Variants in CCDC93 observed in about 807,000 individuals in gnomAD.
CCDC93 encodes coiled-coil domain-containing protein 93.
In CCDC93, 61 loss-of-function variants were observed where a neutral mutation model predicts 108.2. The observed-to-expected ratio is 0.56, with a 90% CI of 0.46 to 0.70. The LOEUF (loss-of-function observed/expected upper bound fraction) is 0.70. Ranked by LOEUF, CCDC93 falls within the 30% of genes least tolerant of loss-of-function variation. CCDC93 has a pLI of 0.00. For synonymous variants in CCDC93, 276 were observed against 260.4 expected, an observed-to-expected ratio of 1.06 and a Z score of -0.58; for missense variants, 685 against 764.2, an observed-to-expected ratio of 0.90 and a Z score of 1.22.
At chr2:117,932,298 A>G (rs1294207212) in intron 22 of CCDC93, among the ~76,000 whole-genome samples, 1 of 152,218 alleles carries the variant, frequency 6.6e-6, no homozygotes, top group Non-Finnish European at 1.5e-5. Context: ...CTGATGCCTG[A>G]CCATGATTTC....
chr2:117,977,966 T>C, intron 8 of CCDC93, 28 bp downstream of exon 8: 1 of 1,605,044 alleles, frequency 6.2e-7, no homozygotes, highest in South Asian at 1.1e-5. Flanking sequence ...TCTCAAGTAT[T>C]CTCTCTTACT....
Position 118,008,934 on chromosome 2 carries a change from A to T in CCDC93, c.43-276T>A, listed in dbSNP as rs901458264. 2.3e-5 allele frequency: 7 copies of T among 302,178 alleles called. No individual in the cohort carries two copies. In the Admixed American group the frequency reaches 2.3e-4, roughly 10 times the overall value. The allele number at this position is 302,178 out of a possible 1,614,324, so 18.7% of individuals were successfully genotyped here. On this transcript the variant is annotated intron_variant, in intron 1 of 23. Transcript: ENST00000376300. ...GTATATACTACTCATCACATGCTGA[A>T]GGAATCCAGGGAAAAGGAAGGTTAG...
rs1573493003 is a variant in CCDC93 at position 117,963,323 on chromosome 2, C to T, written c.889-4842G>A. ...AAGCAACAGATTAAATCTAATCACTCTTTCAGATAACAGTTCAACTAAGTG... is the reference window on the plus strand; with the variant it reads ...AAGCAACAGATTAAATCTAATCACTTTTTCAGATAACAGTTCAACTAAGTG... On this transcript the variant is annotated intron_variant, in intron 11 of 23. Transcript: ENST00000376300. Among the ~76,000 whole-genome samples, 3 of 152,342 alleles carry T rather than the reference C, an allele frequency of 2.0e-5. No individual in the cohort carries two copies. In the South Asian group the frequency reaches 6.2e-4, roughly 32 times the overall value.
chr2:117,975,781 A>G (rs527821620), intron 8 of CCDC93, among the ~76,000 whole-genome samples: 1 of 152,324 alleles, frequency 6.6e-6, no homozygotes, highest in South Asian at 2.1e-4. Flanking sequence ...GTGTGTGTGT[A>G]CTGAATCATG....
At chr2:117,985,416 GA>G in intron 7 of CCDC93, 1 of 960,006 alleles carries the variant, frequency 1.0e-6, no homozygotes, top group Non-Finnish European at 1.2e-6. Flanking sequence ...CCTGAGAAGA[GA>G]ATGCGTGACA....
chr2:117,941,119 C>G (rs773936719), intron 19 of CCDC93, 70 bp downstream of exon 19: 6 of 1,098,944 alleles, frequency 5.5e-6, no homozygotes, highest in Non-Finnish European at 8.3e-6. Context: ...CTCCCCCATG[C>G]TAAAGTGGAA....
chr2:117,941,436 G>C, intron 18 of CCDC93, 139 bp from the exon 19 acceptor site: 1 of 639,836 alleles, frequency 1.6e-6, no homozygotes. Context: ...CCTGCCATGG[G>C]CTTAAAGGTC....
chr2:117,993,787 G>A (rs903505027), intron 6 of CCDC93, among the ~76,000 whole-genome samples: 1 of 152,354 alleles, frequency 6.6e-6, no homozygotes, highest in South Asian at 2.1e-4. Flanking sequence ...AGTCTGGAGT[G>A]CAATGGCACG....
At chr2:117,936,371 T>C in intron 21 of CCDC93, 1 of 213,082 alleles carries the variant, frequency 4.7e-6, no homozygotes, top group Non-Finnish European at 9.2e-6. Flanking sequence ...AATTCCATTA[T>C]GTAAATTTTA....
At chr2:117,941,156 C>T (rs1369462079) in intron 19 of CCDC93, 33 bp downstream of exon 19, 2 of 1,492,766 alleles carry the variant, frequency 1.3e-6, no homozygotes, top group African/African-American at 2.8e-5. Flanking sequence ...CCCTTCCCAG[C>T]CTCAAGAGCT....
chr2:117,944,734 C>T (rs1209700157), intron 17 of CCDC93: 2 of 471,036 alleles, frequency 4.2e-6, no homozygotes, highest in African/African-American at 4.0e-5. Flanking sequence ...CCAACGCACC[C>T]AAGGGGCTCA....
At chr2:117,968,564 T>A (rs568679561) in intron 11 of CCDC93, among the ~76,000 whole-genome samples, 2 of 152,342 alleles carry the variant, frequency 1.3e-5, no homozygotes, top group East Asian at 1.9e-4. Flanking sequence ...CATATTGAGT[T>A]ACATGTCTCA....
intron 4 of CCDC93, chr2:117,998,508 G>A (rs577481831): frequency 1.3e-4 from 20 of 152,292 alleles, no homozygotes; most frequent in African/African-American, 4.8e-4. Flanking sequence ...GAAAACTACA[G>A]GTGGCAACCC....
chr2:117,982,123 T>A (rs538498560), intron 7 of CCDC93, among the ~76,000 whole-genome samples: 180 of 136,870 alleles, frequency 1.3e-3, no homozygotes, highest in African/African-American at 4.6e-3. Context: ...TGTTCCTTAG[T>A]ATTCAAGGCC....
intron 4 of CCDC93, chr2:117,997,259 G>A (rs368472882): frequency 6.6e-6 from 1 of 152,150 alleles, no homozygotes; most frequent in African/African-American, 2.4e-5. Flanking sequence ...CGCCCTGAGG[G>A]TAAAAACCTG....
chr2:117,989,109 A>T (rs939584697), intron 6 of CCDC93, among the ~76,000 whole-genome samples: 1 of 152,236 alleles, frequency 6.6e-6, no homozygotes, highest in Non-Finnish European at 1.5e-5. Flanking sequence ...TTTTATACAT[A>T]GCCTAAATAA....
intron 17 of CCDC93, chr2:117,944,847 G>A (rs1277684368): frequency 1.3e-5 from 6 of 469,500 alleles, no homozygotes; most frequent in Non-Finnish European, 2.6e-5. Context: ...AAAGAAGGCA[G>A]ATGCTTACAG....
In CCDC93 at chr2:117,948,157, G is replaced by T. The variant is rs773425552; in HGVS notation, c.1172C>A (p.Ala391Asp). 34 of 1,613,314 alleles carry T rather than the reference G, an allele frequency of 2.1e-5. No homozygotes were observed. Among genetic ancestry groups the T allele is most frequent in the Non-Finnish European group, 2.8e-5 (33 of 1,179,536 alleles). The part of the protein sequence containing the change: ...SILQNLRALV[A>D]MNENLKSQEQ... Reference sequence around the variant, plus strand: ...TTGACTTTTCAGATTTTCATTCATGGCTACAAGTGCTCTCAGGTTCTGTAG... The same window carrying T: ...TTGACTTTTCAGATTTTCATTCATGTCTACAAGTGCTCTCAGGTTCTGTAG... Residue 391 changes from alanine to aspartate, a missense_variant, in exon 15 of 24, where the codon GCC becomes GAC. By Grantham distance (126) the Ala-to-Asp change is moderately radical (BLOSUM62 -2). Coordinates refer to ENST00000376300, the MANE Select transcript of CCDC93 (RefSeq NM_019044.5).
chr2:117,923,830 T>C (rs1367039851), intron 23 of CCDC93, among the ~76,000 whole-genome samples: 1 of 13,882 alleles, frequency 7.2e-5, no homozygotes, highest in East Asian at 4.2e-3. Flanking sequence ...GCAGACTGCT[T>C]CCTCATGTGG....
Sources: gnomAD v4.1 joint callset for allele counts (sites outside exome capture counted in the v4.1 genomes callset) on GRCh38, gnomAD v4.1.1 for gene constraint, MANE v1.5 for transcripts, NCBI Gene and HGNC (gene_info 2026-07-23, HGNC 2026-07-21) for gene names.